RNF130: variants seen among roughly 807,000 people sequenced by gnomAD.
RNF130 encodes the protein E3 ubiquitin-protein ligase RNF130.
RNF130 carries 21 observed loss-of-function variants against 44.6 expected under a neutral mutation model. The ratio of observed to expected loss-of-function variants is 0.47; its 90% CI spans 0.33 to 0.68. RNF130 has a LOEUF of 0.68. Ranked by LOEUF, RNF130 falls within the 30% of genes least tolerant of loss-of-function variation. The pLI is 0.02. For missense variants in RNF130, 479 were observed against 560.6 expected (o/e 0.85, Z 1.47); for synonymous variants, 214 against 210.4 (o/e 1.02, Z -0.15).
At chr5:180,033,650 C>T (rs4700851) in intron 2 of RNF130, among the ~76,000 whole-genome samples, 8 of 151,094 alleles carry the variant, frequency 5.3e-5, no homozygotes, top group Non-Finnish European at 7.4e-5. Context: ...GAGCCAAGGT[C>T]GTACCACTGC....
In RNF130 at chr5:179,966,940, C is replaced by T. The variant is rs757265596; in HGVS notation, c.1016G>A (p.Arg339Gln). 128 of 1,614,120 alleles carry T rather than the reference C, an allele frequency of 7.9e-5. No individual in the cohort carries two copies. Among genetic ancestry groups the T allele is most frequent in the East Asian group, 4.5e-5 (2 of 44,896 alleles). ...ERLTRTQAVN[R>Q]RSALGDLAGD... is the part of the protein sequence containing the mutation. ...GGCGAGGTCGCCGAGGGCTGATCTTCGGTTAACAGCTTGGGTTCTGGTGAG... is the reference window on the plus strand; with the variant it reads ...GGCGAGGTCGCCGAGGGCTGATCTTTGGTTAACAGCTTGGGTTCTGGTGAG... Residue 339 changes from arginine (R) to glutamine (Q), a missense_variant, in exon 7 of 9, where the codon CGA becomes CAA. By Grantham distance (43) the Arg-to-Gln change is conservative. Transcript: ENST00000521389.
chr5:180,066,000 AC>A (rs1180132254), intron 1 of RNF130, among the ~76,000 whole-genome samples: 3 of 152,246 alleles, frequency 2.0e-5, no homozygotes, highest in African/African-American at 7.2e-5. Context: ...AGGTAATATC[AC>A]AAACATTAAA....
At chr5:180,018,154 G>A (rs1264132813) in intron 2 of RNF130, among the ~76,000 whole-genome samples, 1 of 152,092 alleles carries the variant, frequency 6.6e-6, no homozygotes, top group African/African-American at 2.4e-5. Context: ...AATTAGCTGG[G>A]TGTGGTGGCA....
rs576005103 is a variant in RNF130 at position 179,936,644 on chromosome 5, C to T, written c.1151-16218G>A. 7.9e-5 allele frequency among the ~76,000 whole-genome samples: 12 copies of T among 152,264 alleles called. No individual in the cohort carries two copies. The South Asian group carries it at 2.5e-3, about 32-fold the overall frequency. ...GATACCAACCGTTAGCCTTTCATTG[C>T]TACTTTAAAGTAAAGCATCTCTTTA... On this transcript the variant is annotated intron_variant, in intron 7 of 7. Coordinates refer to the RNF130 transcript ENST00000522208.
intron 7 of RNF130, among the ~76,000 whole-genome samples, chr5:179,945,507 C>T (rs1762023542): frequency 1.3e-5 from 2 of 152,188 alleles, no homozygotes; most frequent in South Asian, 4.1e-4. Context: ...ACCATGTTTC[C>T]AATCCTCACA....
intron 1 of RNF130, among the ~76,000 whole-genome samples, chr5:180,062,730 A>G (rs1765016136): frequency 6.6e-6 from 1 of 152,234 alleles, no homozygotes; most frequent in Non-Finnish European, 1.5e-5. Flanking sequence ...TGAATGTGGT[A>G]GACTTCTGTC....
Position 179,958,591 on chromosome 5 carries a change from G to T in RNF130, c.1245-2922C>A, listed in dbSNP as rs190123306. 5.9e-5 allele frequency among the ~76,000 whole-genome samples: 9 copies of T among 152,338 alleles called. No individual in the cohort carries two copies. In the East Asian group the frequency reaches 1.3e-3, roughly 23 times the overall value. On this transcript the variant is annotated intron_variant, in intron 8 of 8. Coordinates refer to ENST00000521389, the MANE Select transcript of RNF130 (RefSeq NM_018434.6). ...GTCGGCCTGTGAACAGGTCTATCCTGTAGCTTCTGTCTGAAGAATCAGGTC... is the reference window on the plus strand; with the variant it reads ...GTCGGCCTGTGAACAGGTCTATCCTTTAGCTTCTGTCTGAAGAATCAGGTC...
intron 1 of RNF130, among the ~76,000 whole-genome samples, chr5:180,053,099 T>G (rs556146087): frequency 1.3e-5 from 2 of 152,166 alleles, no homozygotes; most frequent in South Asian, 4.2e-4. Context: ...AAATTAGACT[T>G]CGATGCGGGA....
At chr5:180,019,236 T>G (rs1763815926) in intron 2 of RNF130, among the ~76,000 whole-genome samples, 1 of 151,458 alleles carries the variant, frequency 6.6e-6, no homozygotes, top group Non-Finnish European at 1.5e-5. Flanking sequence ...TACAAAAAAT[T>G]AGCCGGGCGT....
At chr5:179,981,443 G>A (rs1393738506) in intron 3 of RNF130, among the ~76,000 whole-genome samples, 2 of 152,176 alleles carry the variant, frequency 1.3e-5, no homozygotes, top group Non-Finnish European at 1.5e-5. Flanking sequence ...AAAAAATTTA[G>A]GGGAAAGTTT....
At chr5:179,984,243 C>A (rs150631083) in intron 3 of RNF130, among the ~76,000 whole-genome samples, 2,029 of 152,236 alleles carry the variant, frequency 0.013, 16 homozygotes, top group Admixed American at 0.025. Flanking sequence ...CTTACTTCTC[C>A]ATTTCCACAA....
chr5:179,940,912 T>A (rs892002057), intron 7 of RNF130, among the ~76,000 whole-genome samples: 1 of 152,162 alleles, frequency 6.6e-6, no homozygotes, highest in Non-Finnish European at 1.5e-5. Context: ...TTTTTTTGCT[T>A]CAGCTCAGAT....
intron 1 of RNF130, among the ~76,000 whole-genome samples, chr5:180,056,555 G>A (rs1272374606): frequency 1.3e-5 from 2 of 152,264 alleles, no homozygotes; most frequent in Admixed American, 6.5e-5. Context: ...TGGTGTTACC[G>A]ACAGACAGCA....
At chr5:179,946,610 G>A (rs185251861) in intron 7 of RNF130, among the ~76,000 whole-genome samples, 1,545 of 150,786 alleles carry the variant, frequency 0.01, 9 homozygotes, top group Non-Finnish European at 0.017. Context: ...CTGGAGTGCA[G>A]TGGTGTGATC....
At chr5:180,033,679 G>A (rs1034187842) in intron 2 of RNF130, among the ~76,000 whole-genome samples, 1 of 128,884 alleles carries the variant, frequency 7.8e-6, no homozygotes, top group Non-Finnish European at 1.6e-5. Context: ...CTGGGCAACA[G>A]AGCGAGACTC....
At chr5:180,055,248 C>CAAAAAAAAAACAAAA in intron 1 of RNF130, among the ~76,000 whole-genome samples, 1 of 20,978 alleles carries the variant, frequency 4.8e-5, no homozygotes, top group Non-Finnish European at 7.3e-5. Flanking sequence ...GGTTCTGTCT[C>CAAAAAAAAAACAAAA]AAAAAAAAAA....
intron 3 of RNF130, among the ~76,000 whole-genome samples, chr5:179,991,799 C>A (rs1321362115): frequency 6.6e-6 from 1 of 151,942 alleles, no homozygotes; most frequent in African/African-American, 2.4e-5. Context: ...ATACAAATCA[C>A]CATAACGTAG....
intron 2 of RNF130, among the ~76,000 whole-genome samples, chr5:180,030,623 TC>T (rs1344107717): frequency 6.6e-6 from 1 of 152,206 alleles, no homozygotes; most frequent in Non-Finnish European, 1.5e-5. Flanking sequence ...TGCTCCTGCC[TC>T]AGTCTCCGAT....
intron 1 of RNF130, among the ~76,000 whole-genome samples, chr5:180,048,279 G>A (rs4298216): frequency 0.028 from 4,257 of 152,208 alleles, 73 homozygotes; most frequent in Non-Finnish European, 0.04. Context: ...GGGCACGGAA[G>A]GGAGTCTGTA....
Sources: gnomAD v4.1 joint callset for allele counts (sites outside exome capture counted in the v4.1 genomes callset) on GRCh38, gnomAD v4.1.1 for gene constraint, MANE v1.5 for transcripts, NCBI Gene and HGNC (gene_info 2026-07-23, HGNC 2026-07-21) for gene names.